The following COX10 variants were observed in gnomAD, a reference collection of about 807,000 sequenced individuals.
COX10 encodes protoheme IX farnesyltransferase, mitochondrial.
Under a neutral mutation model 37.3 loss-of-function variants are expected in COX10, and 27 were observed. The observed-to-expected ratio is 0.72, with a 90% CI of 0.53 to 1.00. The LOEUF (loss-of-function observed/expected upper bound fraction) is 1.00. COX10 is among the 50% of genes least tolerant of loss of function. The pLI is 0.00. For missense variants in COX10, 475 were observed against 563.2 expected (o/e 0.84, Z 1.59); for synonymous variants, 222 against 229.1 (o/e 0.97, Z 0.28).
intron 1 of COX10, among the ~76,000 whole-genome samples, chr17:14,073,279 G>A (rs1037873330): frequency 6.6e-6 from 1 of 152,146 alleles, no homozygotes; most frequent in African/African-American, 2.4e-5. Flanking sequence ...ATGGGAAGAA[G>A]TGGACAGATC....
At chr17:14,170,289 CTT>C (rs1464532431) in intron 5 of COX10, among the ~76,000 whole-genome samples, 1 of 152,174 alleles carries the variant, frequency 6.6e-6, no homozygotes, top group Non-Finnish European at 1.5e-5. Context: ...AGTTTAATCT[CTT>C]AATATAAAGT....
At chr17:14,129,358 G>GT (rs1261717445) in intron 4 of COX10, among the ~76,000 whole-genome samples, 1 of 151,944 alleles carries the variant, frequency 6.6e-6, no homozygotes, top group East Asian at 1.9e-4. Flanking sequence ...TATAAATAAT[G>GT]TAACCTTTCC....
chr17:14,129,197 T>C (rs1334489492), intron 4 of COX10, among the ~76,000 whole-genome samples: 1 of 151,906 alleles, frequency 6.6e-6, no homozygotes, highest in Non-Finnish European at 1.5e-5. Context: ...AAAAAAAATC[T>C]TCCTTTTTAG....
At chr17:14,107,294 T>A (rs1915915928) in intron 4 of COX10, among the ~76,000 whole-genome samples, 1 of 152,112 alleles carries the variant, frequency 6.6e-6, no homozygotes, top group Admixed American at 6.6e-5. Context: ...CTGGCCCACA[T>A]TTCTTTTTGT....
chr17:14,132,365 G>A (rs1490182840), intron 4 of COX10, among the ~76,000 whole-genome samples: 1 of 151,860 alleles, frequency 6.6e-6, no homozygotes, highest in East Asian at 1.9e-4. Context: ...ACTTAGAAAA[G>A]TTTTATCTGA....
At chr17:14,085,897 A>G (rs977009017) in intron 3 of COX10, among the ~76,000 whole-genome samples, 21 of 152,186 alleles carry the variant, frequency 1.4e-4, no homozygotes, top group African/African-American at 4.6e-4. Flanking sequence ...AACTCTGTCA[A>G]TTCAATGTGT....
At chr17:14,098,473 C>G (rs1482609960) in intron 3 of COX10, among the ~76,000 whole-genome samples, 1 of 152,130 alleles carries the variant, frequency 6.6e-6, no homozygotes, top group African/African-American at 2.4e-5. Context: ...AAAAAAATGG[C>G]TCTTGTTCTT....
At chr17:14,144,138 A>G (rs1347851558) in intron 4 of COX10, among the ~76,000 whole-genome samples, 1 of 152,202 alleles carries the variant, frequency 6.6e-6, no homozygotes, top group Non-Finnish European at 1.5e-5. Context: ...CCGTGTTGTG[A>G]CCAGATGTAT....
chr17:14,141,285 A>G (rs568996123), intron 4 of COX10, among the ~76,000 whole-genome samples: 2 of 152,080 alleles, frequency 1.3e-5, no homozygotes, highest in Non-Finnish European at 2.9e-5. Context: ...CACGTCTGTC[A>G]TCCCAGCACT....
intron 3 of COX10, among the ~76,000 whole-genome samples, chr17:14,084,978 A>G (rs1003324515): frequency 6.6e-6 from 1 of 152,162 alleles, no homozygotes; most frequent in African/African-American, 2.4e-5. Flanking sequence ...GGCTTTTTGC[A>G]TACAGTTTTT....
At chr17:14,163,353 C>T (rs1905210709) in intron 5 of COX10, among the ~76,000 whole-genome samples, 4 of 152,030 alleles carry the variant, frequency 2.6e-5, no homozygotes, top group African/African-American at 9.7e-5. Flanking sequence ...CTCCCAGGTT[C>T]AAGCGATTCT....
At chr17:14,182,097 G>A (rs1337763179) in intron 5 of COX10, 1 of 983,094 alleles carries the variant, frequency 1.0e-6, no homozygotes, top group East Asian at 1.1e-4. Context: ...CGTAGATCTG[G>A]TTTGTTTTCT....
chr17:14,198,309 G>A (rs1462945507), intron 6 of COX10, among the ~76,000 whole-genome samples: 1 of 152,222 alleles, frequency 6.6e-6, no homozygotes, highest in East Asian at 1.9e-4. Flanking sequence ...TTTATCTCCA[G>A]AGACTATTAG....
intron 1 of COX10, among the ~76,000 whole-genome samples, chr17:14,071,159 A>G (rs535684111): frequency 6.6e-6 from 1 of 152,286 alleles, no homozygotes; most frequent in Non-Finnish European, 1.5e-5. Flanking sequence ...TGTTGCTTCA[A>G]ATATCTTCTC....
At chr17:14,206,277 G>A (rs1284263000) in intron 6 of COX10, among the ~76,000 whole-genome samples, 3 of 152,120 alleles carry the variant, frequency 2.0e-5, no homozygotes, top group Non-Finnish European at 4.4e-5. Context: ...GACTTGCAGC[G>A]TCCTCCAGGT....
intron 4 of COX10, among the ~76,000 whole-genome samples, chr17:14,103,352 G>C (rs1377183910): frequency 6.6e-6 from 1 of 152,080 alleles, no homozygotes; most frequent in African/African-American, 2.4e-5. Flanking sequence ...TTGTCCATTT[G>C]GGTCTATTTT....
At chr17:14,187,892 CT>C (rs1325216353) in intron 5 of COX10, among the ~76,000 whole-genome samples, 1 of 152,152 alleles carries the variant, frequency 6.6e-6, no homozygotes, top group African/African-American at 2.4e-5. Context: ...CATTCATGCC[CT>C]TGTGCACACT....
chr17:14,199,713 C>T (rs1004624926), intron 6 of COX10, among the ~76,000 whole-genome samples: 18 of 152,166 alleles, frequency 1.2e-4, no homozygotes, highest in African/African-American at 3.4e-4. Context: ...TCCCTTTTGT[C>T]GCCTGTGCAG....
chr17:14,103,748 TTGAA>T (rs1305677978), intron 4 of COX10, among the ~76,000 whole-genome samples: 5 of 152,102 alleles, frequency 3.3e-5, no homozygotes, highest in African/African-American at 1.2e-4. Flanking sequence ...GGAATAAAAA[TTGAA>T]TGATTTACAT....
Sources: allele counts gnomAD v4.1 joint callset (sites outside exome capture counted in the v4.1 genomes callset), GRCh38; gene constraint gnomAD v4.1.1; transcripts MANE v1.5; gene names NCBI Gene and HGNC (gene_info 2026-07-23, HGNC 2026-07-21).